EPC1: variants seen among roughly 807,000 people sequenced by gnomAD.
EPC1 encodes the protein enhancer of polycomb 1.
In EPC1, 12 loss-of-function variants were observed where a neutral mutation model predicts 98.4. That is an observed-to-expected ratio of 0.12 (90% confidence interval 0.08 to 0.20). The LOEUF is 0.20. EPC1 is among the 10% of genes least tolerant of loss of function. The pLI, the probability that EPC1 is intolerant of heterozygous loss-of-function variation, is 1.00. For missense variants in EPC1, 729 were observed against 990.5 expected (o/e 0.74, Z 3.54); for synonymous variants, 357 against 363.9 (o/e 0.98, Z 0.21).
chr10:32,295,438 T>C (rs529546979), intron 2 of EPC1, among the ~76,000 whole-genome samples: 1 of 152,334 alleles, frequency 6.6e-6, no homozygotes, highest in Admixed American at 6.5e-5. Context: ...TTTTGACCTA[T>C]ATCACTTCTA....
chr10:32,369,436 C>G (rs766848252), intron 1 of EPC1, among the ~76,000 whole-genome samples: 1 of 152,040 alleles, frequency 6.6e-6, no homozygotes, highest in Non-Finnish European at 1.5e-5. Context: ...ATAAATAAGG[C>G]TCAGTACACC....
intron 10 of EPC1, chr10:32,281,979 G>GT (rs147472018): frequency 0.11 from 16,990 of 148,202 alleles, 1,053 homozygotes; most frequent in Non-Finnish European, 0.14. Flanking sequence ...CCTAAATTTT[G>GT]TTTTTTTTTT....
At position 32,371,166 on chromosome 10, in the gene EPC1, G is replaced by A. The variant is rs532903377; in HGVS notation, c.3+7325C>T. ...AGTCTCATAACTTAATAATGGAACC[G>A]CAAAGCAATTAAACTCTTGGAAATG... On this transcript the variant is annotated intron_variant, in intron 1 of 13. Coordinates refer to the EPC1 transcript ENST00000375110. 1.5e-4 allele frequency among the ~76,000 whole-genome samples: 23 copies of A among 152,278 alleles called. No homozygotes were observed. In the South Asian group the frequency reaches 1.7e-3, roughly 11 times the overall value.
chr10:32,283,937 A>G (rs1160808196), intron 10 of EPC1: 1 of 152,226 alleles, frequency 6.6e-6, no homozygotes, highest in East Asian at 1.9e-4. Flanking sequence ...AAATGTTCAT[A>G]TTTATGAAGC....
intron 1 of EPC1, among the ~76,000 whole-genome samples, chr10:32,370,890 T>G (rs968332595): frequency 6.6e-6 from 1 of 152,188 alleles, no homozygotes; most frequent in African/African-American, 2.4e-5. Context: ...AGTCTACTAT[T>G]AAATAGATGC....
At chr10:32,375,797 A>T (rs970954406) in intron 1 of EPC1, among the ~76,000 whole-genome samples, 3 of 152,030 alleles carry the variant, frequency 2.0e-5, no homozygotes, top group African/African-American at 7.2e-5. Flanking sequence ...GGAATTTTTT[A>T]AAATAATTTT....
intron 5 of EPC1, 75 bp from the exon 6 acceptor site, chr10:32,291,397 T>C (rs886396051): frequency 5.3e-6 from 6 of 1,126,572 alleles, no homozygotes; most frequent in African/African-American, 1.6e-5. Flanking sequence ...TATACATTTA[T>C]ACTGTGAAAT....
Position 32,272,075 on chromosome 10 carries a change from C to T in EPC1, c.1956G>A (p.Lys652=), listed in dbSNP as rs1313405519. Residue 652 remains lysine (K), a synonymous_variant, in exon 12 of 14, where the codon AAG becomes AAA. Transcript: ENST00000319778. The part of the protein sequence containing the change: ...TSEQLMGFKM[K]DDVVLGIGVN... ...CCCCGATTCCAAGCACCACATCATC[C>T]TTCATCTTGAATCCCATCAGTTGTT... The T allele has an allele frequency of 1.2e-6, 2 of 1,613,910 alleles. No individual in the cohort carries two copies. Among genetic ancestry groups the T allele is most frequent in the African/African-American group, 1.3e-5 (1 of 74,918 alleles).
chr10:32,309,741 T>C lies in EPC1; in HGVS notation c.154-3810A>G, dbSNP rs565742023. 1.6e-3 allele frequency among the ~76,000 whole-genome samples: 231 copies of C among 148,706 alleles called. 2 individuals carry two copies. The highest frequency in any genetic ancestry group is 5.6e-3 in the African/African-American group (224 of 40,066). On this transcript the variant is annotated intron_variant, in intron 1 of 13. Coordinates refer to ENST00000319778, the MANE Select transcript of EPC1 (RefSeq NM_001272004.3). ...AAGAACAATGTAGCCTCATACTGCA[T>C]TTTATTATCTAGTATGGTAATTTCC...
intron 1 of EPC1, among the ~76,000 whole-genome samples, chr10:32,327,614 T>C (rs1362563745): frequency 6.8e-6 from 1 of 146,846 alleles, no homozygotes; most frequent in Non-Finnish European, 1.5e-5. Flanking sequence ...AAATGCATCA[T>C]TAGGTGACTG....
intron 1 of EPC1, among the ~76,000 whole-genome samples, chr10:32,306,185 G>C (rs1018874185): frequency 4.6e-5 from 7 of 152,160 alleles, no homozygotes; most frequent in African/African-American, 1.7e-4. Context: ...ATTATATAAA[G>C]AGATTCAAAA....
At position 32,292,662 on chromosome 10, in the gene EPC1, C is replaced by T; in HGVS notation, c.667-18G>A. The T allele has an allele frequency of 6.3e-7, 1 of 1,598,798 alleles. No homozygotes were observed. On this transcript the variant is annotated intron_variant, in intron 4 of 13. Coordinates refer to ENST00000319778, the MANE Select transcript of EPC1 (RefSeq NM_001272004.3). ...TTGCGATTCTGCAAATGTGAAGTTG[C>T]TTGTTTAATGTTAGTAAGTATTTCT...
chr10:32,378,556 T>A, exon 1 of EPC1: 1 of 1,337,570 alleles, frequency 7.5e-7, no homozygotes, highest in Non-Finnish European at 1.0e-6. Flanking sequence ...GCTGGATACT[T>A]GTGTCCCTAG....
At chr10:32,285,491 T>C (rs944431065) in intron 9 of EPC1, 3 of 158,650 alleles carry the variant, frequency 1.9e-5, no homozygotes, top group South Asian at 1.8e-4. Context: ...GACTGATTGA[T>C]TGAGAGAGAT....
intron 10 of EPC1, 109 bp downstream of exon 10, chr10:32,284,589 G>A (rs934690290): frequency 1.1e-6 from 1 of 891,064 alleles, no homozygotes; most frequent in African/African-American, 1.7e-5. Context: ...AACTGTTTAA[G>A]AGAAAAGGAC....
At chr10:32,350,600 C>T (rs2133081124), upstream of EPC1, among the ~76,000 whole-genome samples, 1 of 152,304 alleles carries the variant, frequency 6.6e-6, no homozygotes, top group Non-Finnish European at 1.5e-5. Flanking sequence ...ACTCCAACAA[C>T]AAGCCAATTA....
intron 1 of EPC1, among the ~76,000 whole-genome samples, chr10:32,370,493 A>G (rs1436340985): frequency 6.6e-6 from 1 of 152,236 alleles, no homozygotes; most frequent in Admixed American, 6.5e-5. Flanking sequence ...CATCCAGTCC[A>G]ACTAAACCAA....
chr10:32,365,924 A>G (rs1045375675), intron 1 of EPC1, among the ~76,000 whole-genome samples: 2 of 150,326 alleles, frequency 1.3e-5, no homozygotes, highest in Admixed American at 1.3e-4. Context: ...ACCTGAGGTC[A>G]GGAGTTCGAG....
At chr10:32,347,175 C>A, upstream of EPC1, 1 of 1,348,144 alleles carries the variant, frequency 7.4e-7, no homozygotes, top group Non-Finnish European at 9.5e-7. Flanking sequence ...TTCAGCCAAC[C>A]CCAGCCATTC....
Sources: gnomAD v4.1 joint callset for allele counts (sites outside exome capture counted in the v4.1 genomes callset) on GRCh38, gnomAD v4.1.1 for gene constraint, MANE v1.5 for transcripts, NCBI Gene and HGNC (gene_info 2026-07-23, HGNC 2026-07-21) for gene names.